The following ZNF800 variants were observed in gnomAD, a reference collection of about 807,000 sequenced individuals.
The protein encoded by ZNF800 is zinc finger protein 800.
ZNF800 carries 13 observed loss-of-function variants against 59.5 expected under a neutral mutation model. The observed-to-expected ratio is 0.22, with a 90% CI of 0.14 to 0.35. The LOEUF (loss-of-function observed/expected upper bound fraction) is 0.35. Among genes scored for constraint, ZNF800 ranks in the 10% least tolerant of loss-of-function variants. ZNF800 has a pLI of 1.00. For missense variants in ZNF800, 621 were observed against 783.7 expected, an observed-to-expected ratio of 0.79 and a Z score of 2.48; for synonymous variants, 266 against 265.7, an observed-to-expected ratio of 1.00 and a Z score of -0.01.
chr7:127,350,527 T>C (rs1393718942), intron 1 of ZNF800: 1 of 152,248 alleles, frequency 6.6e-6, no homozygotes, highest in Non-Finnish European at 1.5e-5. Context: ...GGTACGTATT[T>C]AATAGAACGA....
At chr7:127,384,169 G>A (rs950741136) in intron 3 of ZNF800, among the ~76,000 whole-genome samples, 1 of 128,380 alleles carries the variant, frequency 7.8e-6, no homozygotes, top group African/African-American at 2.9e-5. Context: ...ACAGGTTCTT[G>A]TTGATAAGGC....
rs1156571302 is a variant in ZNF800 at position 127,371,551 on chromosome 7, G to A, written c.*263C>T. On this transcript the variant is annotated 3_prime_UTR_variant, in exon 6 of 6. Transcript: ENST00000265827. ...AGAAACTGTCGACCAAATGCACAAG[G>A]TCAAGGGTGGATAGCTGATGGACTG... 5.8e-6 allele frequency: 2 copies of A among 343,228 alleles called. No individual in the cohort carries two copies. The highest frequency in any genetic ancestry group is 1.1e-5 in the Non-Finnish European group (2 of 190,010). 21.3% of individuals were successfully genotyped at this position (343,228 alleles called of 1,614,324 possible).
downstream of ZNF800, among the ~76,000 whole-genome samples, chr7:127,366,862 T>A (rs935847415): frequency 2.0e-5 from 3 of 152,044 alleles, no homozygotes; most frequent in Non-Finnish European, 4.4e-5. Context: ...GGGACTGACA[T>A]GAGAGATTAG....
chr7:127,361,880 C>T (rs1237298844), intron 1 of ZNF800: 1 of 152,068 alleles, frequency 6.6e-6, no homozygotes, highest in Non-Finnish European at 1.5e-5. Flanking sequence ...TGGAAAGGTT[C>T]TCATTCAACA....
chr7:127,379,090 A>G (rs1329011435), intron 3 of ZNF800, among the ~76,000 whole-genome samples: 1 of 152,178 alleles, frequency 6.6e-6, no homozygotes, highest in Non-Finnish European at 1.5e-5. Context: ...CCACAAAATC[A>G]GAAAACATAA....
chr7:127,369,350 A>G (rs922299636), downstream of ZNF800, among the ~76,000 whole-genome samples: 2 of 152,106 alleles, frequency 1.3e-5, no homozygotes, highest in African/African-American at 4.8e-5. Context: ...AATCCTCACT[A>G]TAACAATACA....
chr7:127,361,473 C>G (rs570057833), intron 1 of ZNF800: 1 of 152,032 alleles, frequency 6.6e-6, no homozygotes, highest in African/African-American at 2.4e-5. Flanking sequence ...CCCAGCTACT[C>G]AGGAAGCTGA....
chr7:127,385,285 T>G (rs1406762608), intron 3 of ZNF800, among the ~76,000 whole-genome samples: 1 of 152,166 alleles, frequency 6.6e-6, no homozygotes, highest in East Asian at 1.9e-4. Flanking sequence ...CTTGTTCACA[T>G]CTGAGTGAAT....
intron 3 of ZNF800, among the ~76,000 whole-genome samples, chr7:127,379,844 A>ACCCC (rs1562907457): frequency 8.6e-4 from 12 of 13,934 alleles, no homozygotes; most frequent in African/African-American, 2.1e-3. Flanking sequence ...CCACCCCCCC[A>ACCCC]CCCCCCCACC....
downstream of ZNF800, among the ~76,000 whole-genome samples, chr7:127,345,934 G>T (rs1448657911): frequency 6.6e-6 from 1 of 152,146 alleles, no homozygotes; most frequent in Non-Finnish European, 1.5e-5. Flanking sequence ...CACGAGGGAA[G>T]GTGTGGTTAA....
intron 4 of ZNF800, among the ~76,000 whole-genome samples, chr7:127,375,710 T>A (rs1800772774): frequency 6.6e-6 from 1 of 152,016 alleles, no homozygotes; most frequent in Non-Finnish European, 1.5e-5. Flanking sequence ...CCTTGTACAA[T>A]AATTACACCC....
chr7:127,376,144 A>G (rs1379898936), intron 4 of ZNF800, among the ~76,000 whole-genome samples: 1 of 151,956 alleles, frequency 6.6e-6, no homozygotes, highest in Non-Finnish European at 1.5e-5. Flanking sequence ...TAGTAAGATC[A>G]AAATAGTAGT....
At position 127,391,721 on chromosome 7, in the gene ZNF800, G is replaced by T. The variant is rs1444998664; in HGVS notation, c.-58-106C>A. Reference sequence around the variant, plus strand: ...CATCAGCTCTCCGCTTTCCCTCCACGGACCCGCACCTCCCTCTCGAAAAGA... The same window carrying T: ...CATCAGCTCTCCGCTTTCCCTCCACTGACCCGCACCTCCCTCTCGAAAAGA... On this transcript the variant is annotated intron_variant, in intron 1 of 5. Coordinates refer to ENST00000265827, the MANE Select transcript of ZNF800 (RefSeq NM_176814.5). The T allele has an allele frequency of 7.6e-6, 5 of 654,634 alleles. No individual in the cohort carries two copies. The African/African-American group carries it at 9.0e-5, about 12-fold the overall frequency. 40.6% of individuals were successfully genotyped at this position (654,634 alleles called of 1,614,324 possible). A position where few individuals can be genotyped will look rare whatever the true frequency, so the allele number is the denominator to read the frequency against.
chr7:127,373,104 C>G, intron 5 of ZNF800: 1 of 985,410 alleles, frequency 1.0e-6, no homozygotes, highest in Non-Finnish European at 1.2e-6. Flanking sequence ...CTACCTACAA[C>G]TACATTGCAT....
intron 1 of ZNF800, among the ~76,000 whole-genome samples, chr7:127,358,199 T>C (rs562018928): frequency 3.3e-5 from 5 of 152,058 alleles, no homozygotes; most frequent in Non-Finnish European, 5.9e-5. Flanking sequence ...AGTGTTCTTC[T>C]TCCTCCCGTA....
intron 3 of ZNF800, among the ~76,000 whole-genome samples, chr7:127,380,298 A>G (rs538575590): frequency 6.6e-6 from 1 of 152,326 alleles, no homozygotes; most frequent in South Asian, 2.1e-4. Context: ...CTCTCAGGAT[A>G]ATGCATGACT....
At chr7:127,371,894 A>G (rs1800641273) in intron 5 of ZNF800, 80 bp from the exon 6 acceptor site, 4 of 650,184 alleles carry the variant, frequency 6.2e-6, no homozygotes, top group African/African-American at 5.6e-5. Context: ...ACAGTAAATT[A>G]CTTCTAAAAG....
intron 5 of ZNF800, chr7:127,372,826 T>C: frequency 2.0e-6 from 2 of 985,420 alleles, no homozygotes; most frequent in Non-Finnish European, 2.4e-6. Context: ...GATTTTTTTT[T>C]CTGAGTGCAG....
At chr7:127,380,349 A>G (rs1800938528) in intron 3 of ZNF800, among the ~76,000 whole-genome samples, 1 of 152,198 alleles carries the variant, frequency 6.6e-6, no homozygotes, top group Non-Finnish European at 1.5e-5. Context: ...CTATGTATTA[A>G]AAAAACCTTC....
Sources: allele counts gnomAD v4.1 joint callset (sites outside exome capture counted in the v4.1 genomes callset), GRCh38; gene constraint gnomAD v4.1.1; transcripts MANE v1.5; gene names NCBI Gene and HGNC (gene_info 2026-07-23, HGNC 2026-07-21).